Variants in ITSN1 observed in about 807,000 individuals in gnomAD.
The protein encoded by ITSN1 is intersectin 1.
ITSN1 carries 58 observed loss-of-function variants against 239.8 expected under a neutral mutation model. The ratio of observed to expected loss-of-function variants is 0.24; its 90% CI spans 0.20 to 0.30. ITSN1 has a LOEUF of 0.30. ITSN1 is among the 10% of genes least tolerant of loss of function. The probability of loss-of-function intolerance (pLI) is 1.00; values close to 1 mark genes in which losing one functional copy is unlikely to be tolerated. For missense variants in ITSN1, 1,558 were observed against 2,103.3 expected (o/e 0.74, Z 5.07); for synonymous variants, 780 against 770.8 (o/e 1.01, Z -0.20).
At chr21:33,698,767 G>C (rs1296196455) in intron 1 of ITSN1, among the ~76,000 whole-genome samples, 1 of 152,168 alleles carries the variant, frequency 6.6e-6, no homozygotes. Flanking sequence ...TTACAGGGCA[G>C]CTTTCTTCTT....
intron 5 of ITSN1, among the ~76,000 whole-genome samples, chr21:33,738,539 T>C (rs1047076687): frequency 1.3e-5 from 2 of 151,634 alleles, no homozygotes; most frequent in Non-Finnish European, 2.9e-5. Flanking sequence ...GTAGCTGGGA[T>C]TACAGGCACC....
intron 29 of ITSN1, among the ~76,000 whole-genome samples, chr21:33,839,184 C>G (rs142151766): frequency 2.0e-5 from 3 of 152,310 alleles, no homozygotes; most frequent in African/African-American, 4.8e-5. Flanking sequence ...GAGTCCCTGT[C>G]TTCATGGAGT....
chr21:33,717,648 T>TG (rs1466803477), intron 1 of ITSN1, among the ~76,000 whole-genome samples: 1 of 151,932 alleles, frequency 6.6e-6, no homozygotes, highest in Non-Finnish European at 1.5e-5. Context: ...CTCCATCTCC[T>TG]GGGTTCACGC....
intron 27 of ITSN1, among the ~76,000 whole-genome samples, chr21:33,830,030 C>T (rs1569268302): frequency 6.6e-6 from 1 of 152,174 alleles, no homozygotes; most frequent in Non-Finnish European, 1.5e-5. Context: ...GGGATGCCTG[C>T]ATATCCTTAT....
intron 27 of ITSN1, among the ~76,000 whole-genome samples, chr21:33,831,328 C>CA (rs2074281759): frequency 6.6e-6 from 1 of 152,186 alleles, no homozygotes; most frequent in Non-Finnish European, 1.5e-5. Flanking sequence ...CTGCGTAACA[C>CA]AGGGGGGCCT....
chr21:33,882,056 T>G lies in ITSN1; in HGVS notation c.4342-187T>G, dbSNP rs1205809351. Among the ~76,000 whole-genome samples, 3 of 152,134 alleles carry G rather than the reference T, an allele frequency of 2.0e-5. No individual in the cohort carries two copies. The highest frequency in any genetic ancestry group is 4.4e-5 in the Non-Finnish European group (3 of 68,022). On this transcript the variant is annotated intron_variant, in intron 34 of 39. Coordinates refer to ENST00000381318, the MANE Select transcript of ITSN1 (RefSeq NM_003024.3). The surrounding 1 kb of genome is among the most constrained non-coding windows in gnomAD (Gnocchi z 4.5). ...TTACCATTGAGACTCTTCTTGATACTTGGAATCCCCTGAACTGTGCCTTTG... is the reference window on the plus strand; with the variant it reads ...TTACCATTGAGACTCTTCTTGATACGTGGAATCCCCTGAACTGTGCCTTTG...
chr21:33,846,628 T>C (rs560014249), intron 29 of ITSN1, among the ~76,000 whole-genome samples: 1 of 152,236 alleles, frequency 6.6e-6, no homozygotes, highest in Non-Finnish European at 1.5e-5. Flanking sequence ...CTCTTGCCAG[T>C]TGCTCAGGAA....
At chr21:33,694,953 G>A (rs1298705280) in intron 1 of ITSN1, among the ~76,000 whole-genome samples, 1 of 152,118 alleles carries the variant, frequency 6.6e-6, no homozygotes, top group Non-Finnish European at 1.5e-5. Context: ...CTGCAGGTGC[G>A]TGCCATCATG....
chr21:33,836,845 C>A, intron 29 of ITSN1: 2 of 622,252 alleles, frequency 3.2e-6, no homozygotes, highest in Non-Finnish European at 5.5e-6. Context: ...GTAGCATGTC[C>A]CCTCCCTCCC....
At chr21:33,717,713 G>A (rs746344024) in intron 1 of ITSN1, among the ~76,000 whole-genome samples, 76 of 147,440 alleles carry the variant, frequency 5.2e-4, no homozygotes, top group Non-Finnish European at 9.2e-4. Context: ...CCGCCACCAC[G>A]CCCAGCTAAT....
intron 16 of ITSN1, among the ~76,000 whole-genome samples, chr21:33,789,380 G>A (rs1465262732): frequency 6.6e-6 from 1 of 152,050 alleles, no homozygotes; most frequent in Non-Finnish European, 1.5e-5. Context: ...TATTATAAAT[G>A]TTATATGTGA....
At chr21:33,688,901 C>T (rs555367232) in intron 1 of ITSN1, among the ~76,000 whole-genome samples, 1 of 151,900 alleles carries the variant, frequency 6.6e-6, no homozygotes, top group Non-Finnish European at 1.5e-5. Flanking sequence ...CGGTGCACTG[C>T]ACCCTCTGCC....
chr21:33,842,495 GGTGTGTGTGTGT>G (rs34019939), intron 29 of ITSN1, among the ~76,000 whole-genome samples: 9 of 148,052 alleles, frequency 6.1e-5, no homozygotes, highest in East Asian at 2.0e-4. Context: ...TGATGTCAAC[GGTGTGTGTGTGT>G]GTGTGTGTGT....
At chr21:33,817,704 T>G (rs1311133394) in intron 22 of ITSN1, 1 of 1,044,984 alleles carries the variant, frequency 9.6e-7, no homozygotes, top group Non-Finnish European at 1.2e-6. Flanking sequence ...GGGCAGTGCA[T>G]GTAGATGTAC....
chr21:33,661,369 C>G (rs2089543939), intron 1 of ITSN1, among the ~76,000 whole-genome samples: 1 of 151,838 alleles, frequency 6.6e-6, no homozygotes, highest in South Asian at 2.1e-4. Flanking sequence ...CATGTGTACT[C>G]AAGGGCTGAG....
At chr21:33,829,017 T>G (rs1476367554) in intron 26 of ITSN1, 1 of 471,118 alleles carries the variant, frequency 2.1e-6, no homozygotes, top group Non-Finnish European at 4.4e-6. Context: ...CCTGCCATGA[T>G]TTGCACCTGA....
chr21:33,696,096 C>G (rs894667846), intron 1 of ITSN1, among the ~76,000 whole-genome samples: 7 of 152,136 alleles, frequency 4.6e-5, no homozygotes, highest in African/African-American at 1.4e-4. Flanking sequence ...CTTAGCAGAG[C>G]GCAGTTGGTT....
At chr21:33,748,445 T>C (rs1601984041) in intron 5 of ITSN1, among the ~76,000 whole-genome samples, 1 of 151,970 alleles carries the variant, frequency 6.6e-6, no homozygotes, top group South Asian at 2.1e-4. Context: ...AGACCTTATC[T>C]CTAATAATAA....
At chr21:33,759,877 A>G (rs752500240) in intron 8 of ITSN1, among the ~76,000 whole-genome samples, 1 of 152,182 alleles carries the variant, frequency 6.6e-6, no homozygotes, top group Non-Finnish European at 1.5e-5. Context: ...AGGCGGGTGG[A>G]TCACGTGAGG....
Sources: allele counts gnomAD v4.1 joint callset (sites outside exome capture counted in the v4.1 genomes callset), GRCh38; gene constraint gnomAD v4.1.1; non-coding constraint Gnocchi (gnomAD v3.1); transcripts MANE v1.5; gene names NCBI Gene and HGNC (gene_info 2026-07-23, HGNC 2026-07-21).